SLC35F3: variants seen among roughly 807,000 people sequenced by gnomAD.
The protein encoded by SLC35F3 is solute carrier family 35 member F3.
In SLC35F3, 25 loss-of-function variants were observed where a neutral mutation model predicts 49.9. That is an observed-to-expected ratio of 0.50 (90% CI 0.37 to 0.70). The LOEUF is 0.70. Ranked by LOEUF, SLC35F3 falls within the 30% of genes least tolerant of loss-of-function variation. The pLI is 0.00. For missense variants in SLC35F3, 525 were observed against 639.8 expected (o/e 0.82, Z 1.94); for synonymous variants, 275 against 265.4 (o/e 1.04, Z -0.35).
intron 2 of SLC35F3, among the ~76,000 whole-genome samples, chr1:234,115,604 T>G (rs565266035): frequency 1.3e-5 from 2 of 152,332 alleles, no homozygotes; most frequent in East Asian, 3.9e-4. Context: ...TGAAATAATT[T>G]CAGACTTAGA....
In SLC35F3 at chr1:233,943,069, C is replaced by A. The variant is rs76551238; in HGVS notation, c.283+37311C>A. Among the ~76,000 whole-genome samples the A allele has an allele frequency of 8.4e-3, 1,284 of 152,280 alleles. 15 individuals carry two copies. The highest frequency in any genetic ancestry group is 0.029 in the African/African-American group (1,198 of 41,548). ...TCAATACCCAAGATATGAAACCAAC[C>A]CAGTGTTCATTGACAAATGAATGGA... On this transcript the variant is annotated intron_variant, in intron 2 of 7. Coordinates refer to ENST00000366618, the MANE Select transcript of SLC35F3 (RefSeq NM_173508.4).
intron 2 of SLC35F3, among the ~76,000 whole-genome samples, chr1:234,038,383 T>C (rs1442620873): frequency 6.6e-6 from 1 of 150,840 alleles, no homozygotes; most frequent in African/African-American, 2.4e-5. Context: ...TTTGAGTTGG[T>C]TCCAAGTCTT....
At position 234,231,832 on chromosome 1, in the gene SLC35F3, G is replaced by A; in HGVS notation, c.608+91G>A. The A allele has an allele frequency of 7.8e-7, 1 of 1,278,864 alleles. No homozygotes were observed. The highest frequency in any genetic ancestry group is 1.1e-6 in the Non-Finnish European group (1 of 912,820). 79.2% of individuals were successfully genotyped at this position (1,278,864 alleles called of 1,614,324 possible). ...GAGCTGCCCCTGGTGGCAGGCGCTG[G>A]GATGAGCCGGTGGGAGCCCGTGGAG... is the stretch of plus-strand genomic sequence containing the variant. On this transcript the variant is annotated intron_variant, in intron 3 of 7. Transcript: ENST00000366618. This position sits in a 1 kb window ranked among gnomAD's most constrained non-coding sequence, Gnocchi z 5.4.
At chr1:233,910,817 A>G (rs556880925) in intron 2 of SLC35F3, among the ~76,000 whole-genome samples, 1 of 152,308 alleles carries the variant, frequency 6.6e-6, no homozygotes, top group Middle Eastern at 3.4e-3. Context: ...AGGTTCTGGT[A>G]TGTTGAGATT....
chr1:234,226,084 A>G (rs1461533423), intron 2 of SLC35F3, among the ~76,000 whole-genome samples: 2 of 152,240 alleles, frequency 1.3e-5, no homozygotes, highest in African/African-American at 4.8e-5. Flanking sequence ...TTCCAAAATG[A>G]TACTATGGTA....
chr1:234,217,645 C>G (rs916852546), intron 2 of SLC35F3, among the ~76,000 whole-genome samples: 2 of 151,556 alleles, frequency 1.3e-5, no homozygotes, highest in Admixed American at 6.6e-5. Flanking sequence ...TAAGAAGAGG[C>G]CTTTCTGAGG....
At position 234,214,708 on chromosome 1, in the gene SLC35F3, A is replaced by C; in HGVS notation, c.284-16709A>C. ...CCCCCAGGACGCGGCTCCGCAGTGC[A>C]GAGCGCCGCCGCCTGCGTGGGGGGA... On this transcript the variant is annotated intron_variant, in intron 2 of 7. Transcript: ENST00000366618. The surrounding 1 kb of genome is among the most constrained non-coding windows in gnomAD (Gnocchi z 8.0). 8.3e-7 allele frequency: 1 copy of C among 1,209,198 alleles called. No individual in the cohort carries two copies. Among genetic ancestry groups the C allele is most frequent in the South Asian group, 2.0e-5 (1 of 51,140 alleles). 74.9% of individuals were successfully genotyped at this position (1,209,198 alleles called of 1,614,324 possible).
intron 2 of SLC35F3, among the ~76,000 whole-genome samples, chr1:234,006,077 T>A (rs1007526111): frequency 6.6e-6 from 1 of 152,188 alleles, no homozygotes; most frequent in African/African-American, 2.4e-5. Flanking sequence ...TTAAAGAGTT[T>A]CCCTGGTTCT....
intron 2 of SLC35F3, among the ~76,000 whole-genome samples, chr1:233,940,974 G>A (rs1043167006): frequency 2.6e-5 from 4 of 152,176 alleles, no homozygotes; most frequent in Non-Finnish European, 5.9e-5. Context: ...ACTTCCTCAT[G>A]TAGTGGATAG....
intron 3 of SLC35F3, chr1:234,285,244 A>G (rs1194198845): frequency 2.3e-6 from 1 of 432,448 alleles, no homozygotes; most frequent in Non-Finnish European, 4.6e-6. Flanking sequence ...TTCCCTCAGA[A>G]GATGAGGCTG....
intron 2 of SLC35F3, among the ~76,000 whole-genome samples, chr1:233,945,806 A>G (rs1307122860): frequency 1.3e-5 from 2 of 152,172 alleles, no homozygotes; most frequent in Non-Finnish European, 1.5e-5. Flanking sequence ...TTTGCTTCTC[A>G]TTCACCTTCG....
rs1335335690 is a variant in SLC35F3, at chr1:234,231,882, T to C, written c.608+141T>C. ...GAGATGTTGCAGTGAATGCACCTGC[T>C]CTCAGTGGGGTCGGGAGCAGAATTC... On this transcript the variant is annotated intron_variant, in intron 3 of 7. Coordinates refer to ENST00000366618, the MANE Select transcript of SLC35F3 (RefSeq NM_173508.4). This position sits in a 1 kb window ranked among gnomAD's most constrained non-coding sequence, Gnocchi z 5.4. 3.8e-6 allele frequency: 3 copies of C among 794,990 alleles called. No homozygotes were observed. Among genetic ancestry groups the C allele is most frequent in the Non-Finnish European group, 6.1e-6 (3 of 493,718 alleles). 49.2% of individuals were successfully genotyped at this position (794,990 alleles called of 1,614,324 possible).
At chr1:234,145,575 GA>G (rs1221630179) in intron 2 of SLC35F3, among the ~76,000 whole-genome samples, 1 of 151,866 alleles carries the variant, frequency 6.6e-6, no homozygotes, top group Non-Finnish European at 1.5e-5. Flanking sequence ...AAATATTCGG[GA>G]AAAAAATGAT....
At position 233,905,024 on chromosome 1, in the gene SLC35F3, C is replaced by G; in HGVS notation, c.-54C>G. Reference sequence around the variant, plus strand: ...CTAGCGGCTGCAGGGAGCTCCGGCCCGCGGCCCCTCCGCCTCAAGTCTGGG... The same window carrying G: ...CTAGCGGCTGCAGGGAGCTCCGGCCGGCGGCCCCTCCGCCTCAAGTCTGGG... On this transcript the variant is annotated 5_prime_UTR_variant, in exon 1 of 8. Coordinates refer to ENST00000366618, the MANE Select transcript of SLC35F3 (RefSeq NM_173508.4). The G allele has an allele frequency of 6.5e-7, 1 of 1,534,978 alleles. No homozygotes were observed. The highest frequency in any genetic ancestry group is 2.0e-5 in the Admixed American group (1 of 50,568).
chr1:234,150,556 A>C (rs1666061298), intron 2 of SLC35F3, among the ~76,000 whole-genome samples: 1 of 152,104 alleles, frequency 6.6e-6, no homozygotes, highest in Admixed American at 6.5e-5. Context: ...CTTACCTCTC[A>C]TATCTTATCT....
In SLC35F3 at chr1:234,316,612, C is replaced by G. The variant is rs1363323702; in HGVS notation, c.839C>G (p.Ala280Gly). The G allele has an allele frequency of 6.2e-7, 1 of 1,608,850 alleles. No homozygotes were observed. The change falls in exon 5 of 8, where the codon GCC becomes GGC. Residue 280 changes from alanine (A) to glycine (G), a missense_variant. By Grantham distance (60) the Ala-to-Gly change is moderately conservative (BLOSUM62 0). Around this residue, in one of 4 missense-constraint regions of SLC35F3, gnomAD observed 216 missense variants for 298.1 expected, o/e 0.72. Transcript: ENST00000366618. ...CTTCCGTCTGTCCAGATTGTGGCCG[C>G]CATCCTCGCCATCGCTGGCATTGTG... ...DRFMGVRIVAAILAIAGIVMM... is the reference protein window; with the variant it reads ...DRFMGVRIVAGILAIAGIVMM...
chr1:234,282,123 T>G (rs1428301640), intron 3 of SLC35F3, among the ~76,000 whole-genome samples: 1 of 152,308 alleles, frequency 6.6e-6, no homozygotes, highest in South Asian at 2.1e-4. Context: ...ATGCACACAG[T>G]GCCTGTTAGT....
chr1:234,162,524 G>A (rs1375790287), intron 2 of SLC35F3, among the ~76,000 whole-genome samples: 1 of 151,710 alleles, frequency 6.6e-6, no homozygotes, highest in Non-Finnish European at 1.5e-5. Context: ...GGTGTGACAG[G>A]GCAGGACTGG....
chr1:234,156,614 G>A (rs557856643), intron 2 of SLC35F3, among the ~76,000 whole-genome samples: 8 of 152,242 alleles, frequency 5.3e-5, no homozygotes, highest in Admixed American at 1.3e-4. Flanking sequence ...AGGGCCTTAG[G>A]TGTATATTCA....
Sources: gnomAD v4.1 joint callset for allele counts (sites outside exome capture counted in the v4.1 genomes callset) on GRCh38, gnomAD v4.1.1 for gene constraint, gnomAD v4.1.1 regional missense constraint, Gnocchi (gnomAD v3.1) non-coding constraint, MANE v1.5 for transcripts, NCBI Gene and HGNC (gene_info 2026-07-23, HGNC 2026-07-21) for gene names.